PXDNL: variants seen among roughly 807,000 people sequenced by gnomAD.
PXDNL encodes the protein peroxidasin like.
PXDNL carries 145 observed loss-of-function variants against 150.8 expected under a neutral mutation model. The ratio of observed to expected loss-of-function variants is 0.96; its 90% CI spans 0.84 to 1.10. The LOEUF (loss-of-function observed/expected upper bound fraction) is 1.10. PXDNL is among the 50% of genes least tolerant of loss of function. The pLI, the probability that PXDNL is intolerant of heterozygous loss-of-function variation, is 0.00. For missense variants in PXDNL, 2,087 were observed against 1,873.9 expected, an observed-to-expected ratio of 1.11 and a Z score of -2.10; for synonymous variants, 757 against 725.7, an observed-to-expected ratio of 1.04 and a Z score of -0.69.
chr8:51,458,142 T>C (rs1809977002), intron 8 of PXDNL, among the ~76,000 whole-genome samples: 1 of 152,266 alleles, frequency 6.6e-6, no homozygotes, highest in South Asian at 2.1e-4. Context: ...AAGCCAAGTA[T>C]AATTATATGA....
At chr8:51,800,156 C>T (rs16916820) in intron 1 of PXDNL, among the ~76,000 whole-genome samples, 17,273 of 152,070 alleles carry the variant, frequency 0.11, 1,259 homozygotes, top group East Asian at 0.16. Context: ...AATGGAGGGC[C>T]TGCCCCATGT....
intron 8 of PXDNL, among the ~76,000 whole-genome samples, chr8:51,464,554 AG>A (rs1484754673): frequency 6.6e-6 from 1 of 152,214 alleles, no homozygotes; most frequent in Admixed American, 6.5e-5. Context: ...CAATTCCCAC[AG>A]AAATACAAAA....
chr8:51,423,736 G>A lies in PXDNL; in HGVS notation c.1639-5C>T. 3.1e-6 allele frequency: 5 copies of A among 1,600,420 alleles called. No homozygotes were observed. Among genetic ancestry groups the A allele is most frequent in the South Asian group, 1.1e-5 (1 of 88,972 alleles). On this transcript the variant is annotated splice_region_variant and splice_polypyrimidine_tract_variant and intron_variant, in intron 13 of 22. Transcript: ENST00000356297. ...CTCAGTAATCTGCACACCTTCCTAG[G>A]GAGCAAAAAAGAGTTGCCACTGAAT...
At chr8:51,657,265 C>T (rs1392548881) in intron 1 of PXDNL, among the ~76,000 whole-genome samples, 1 of 152,070 alleles carries the variant, frequency 6.6e-6, no homozygotes, top group Non-Finnish European at 1.5e-5. Flanking sequence ...ATAAGTTGCA[C>T]CATTGTAAGT....
chr8:51,457,667 G>C lies in PXDNL; in HGVS notation c.813C>G (p.Asn271Lys). Residue 271 changes from asparagine (N) to lysine (K), a missense_variant and splice_region_variant, in exon 9 of 23, where the codon AAC becomes AAG. Coordinates refer to ENST00000356297, the MANE Select transcript of PXDNL (RefSeq NM_144651.5). ...TATCATCTTCCAAATCCAATGAGTG[G>C]CTGGAAATATAGGTTATACATGTAT... ...PKPEIIWIHNNHSLDLEDDTR... is the reference protein window; with the variant it reads ...PKPEIIWIHNKHSLDLEDDTR... The C allele has an allele frequency of 6.2e-7, 1 of 1,610,344 alleles. No individual in the cohort carries two copies. Among genetic ancestry groups the C allele is most frequent in the Non-Finnish European group, 8.5e-7 (1 of 1,177,536 alleles).
rs1456627173 is a variant in PXDNL at position 51,780,289 on chromosome 8, C to A, written c.164+28892G>T. 3.9e-5 allele frequency among the ~76,000 whole-genome samples: 6 copies of A among 152,110 alleles called. No individual in the cohort carries two copies. In the East Asian group the frequency reaches 1.2e-3, roughly 29 times the overall value. On this transcript the variant is annotated intron_variant, in intron 1 of 22. Coordinates refer to ENST00000356297, the MANE Select transcript of PXDNL (RefSeq NM_144651.5). Reference sequence around the variant, plus strand: ...ACAGGCTGTATAACCCAGTGATTTGCATGCACAATAAAGTTTGAGGGACAC... The same window carrying A: ...ACAGGCTGTATAACCCAGTGATTTGAATGCACAATAAAGTTTGAGGGACAC...
intron 2 of PXDNL, among the ~76,000 whole-genome samples, chr8:51,601,730 C>T (rs1237694328): frequency 6.6e-6 from 1 of 151,520 alleles, no homozygotes; most frequent in Non-Finnish European, 1.5e-5. Context: ...GGTTAATATT[C>T]ATATGTAAGA....
chr8:51,718,002 A>AT lies in PXDNL; in HGVS notation c.165-63243dup, dbSNP rs544386177. 5.4e-4 allele frequency among the ~76,000 whole-genome samples: 81 copies of AT among 149,324 alleles called. 1 individual carries two copies. Among genetic ancestry groups the AT allele is most frequent in the Middle Eastern group, 3.5e-3 (1 of 286 alleles). ...GTTGTCCTTTGAGCAAATGAGCTAGATTTTTTTTTTTAATTACTACAACTT... is the reference window on the plus strand; with the variant it reads ...GTTGTCCTTTGAGCAAATGAGCTAGATTTTTTTTTTTTAATTACTACAACTT... On this transcript the variant is annotated intron_variant, in intron 1 of 22. Transcript: ENST00000356297.
intron 1 of PXDNL, among the ~76,000 whole-genome samples, chr8:51,680,158 C>T (rs1039436858): frequency 1.3e-5 from 2 of 152,226 alleles, no homozygotes; most frequent in Non-Finnish European, 2.9e-5. Context: ...TGACCTAGCA[C>T]TGTGATCTCA....
intron 2 of PXDNL, among the ~76,000 whole-genome samples, chr8:51,624,290 C>A (rs571942504): frequency 5.8e-4 from 88 of 152,150 alleles, no homozygotes; most frequent in African/African-American, 1.9e-3. Flanking sequence ...CAGACCAGGC[C>A]TTGCCAGGAG....
chr8:51,408,372 C>G lies in PXDNL; in HGVS notation c.3252G>C (p.Ala1084=). 1.2e-6 allele frequency: 2 copies of G among 1,614,002 alleles called. No homozygotes were observed. Among genetic ancestry groups the G allele is most frequent in the Admixed American group, 1.7e-5 (1 of 60,026 alleles). Residue 1084 remains alanine, a synonymous_variant, in exon 17 of 23, where the codon GCG becomes GCC. Transcript: ENST00000356297. Reference sequence around the variant, plus strand: ...TGATTATTCTGGACGGTGAAAAGAGCGCTTTATGGAACGGAAGGTGGCCTT... The same window carrying G: ...TGATTATTCTGGACGGTGAAAAGAGGGCTTTATGGAACGGAAGGTGGCCTT... ...ISEGHLPFHK[A]LFSPSRIIKE...
chr8:51,654,799 T>A (rs1188295045), intron 1 of PXDNL, 39 bp from the exon 2 acceptor site: 1 of 1,489,616 alleles, frequency 6.7e-7, no homozygotes, highest in Non-Finnish European at 9.4e-7. Context: ...TATAATATGT[T>A]GACTGCATTC....
At chr8:51,414,696 C>A (rs1235286897) in intron 14 of PXDNL, among the ~76,000 whole-genome samples, 4 of 151,954 alleles carry the variant, frequency 2.6e-5, no homozygotes, top group African/African-American at 9.7e-5. Flanking sequence ...AGAACATGAA[C>A]AAAATAACTA....
intron 1 of PXDNL, among the ~76,000 whole-genome samples, chr8:51,788,136 C>G (rs1290861066): frequency 6.6e-6 from 1 of 152,096 alleles, no homozygotes; most frequent in Non-Finnish European, 1.5e-5. Context: ...CCTGCAAAAC[C>G]AAAAAACAAT....
At chr8:51,771,337 G>A (rs1205431027) in intron 1 of PXDNL, among the ~76,000 whole-genome samples, 1 of 152,092 alleles carries the variant, frequency 6.6e-6, no homozygotes, top group African/African-American at 2.4e-5. Context: ...CATTGAATTA[G>A]AGTTATAAAG....
intron 4 of PXDNL, among the ~76,000 whole-genome samples, chr8:51,531,708 G>C (rs1222831381): frequency 6.6e-6 from 1 of 152,244 alleles, no homozygotes; most frequent in African/African-American, 2.4e-5. Flanking sequence ...CTTAAGTCAA[G>C]TGAAGAAGAT....
chr8:51,744,128 AAG>A (rs774216961), intron 1 of PXDNL, among the ~76,000 whole-genome samples: 154 of 125,100 alleles, frequency 1.2e-3, no homozygotes, highest in East Asian at 2.5e-3. Context: ...GAAAGGAAGA[AAG>A]AGAAAGGAAG....
intron 1 of PXDNL, among the ~76,000 whole-genome samples, chr8:51,750,615 G>A (rs914716666): frequency 6.6e-6 from 1 of 152,174 alleles, no homozygotes; most frequent in Admixed American, 6.5e-5. Flanking sequence ...GTAAACCCAG[G>A]ATAACATTTT....
chr8:51,479,723 T>C (rs765732129), intron 6 of PXDNL, among the ~76,000 whole-genome samples: 1 of 151,716 alleles, frequency 6.6e-6, no homozygotes, highest in Non-Finnish European at 1.5e-5. Context: ...AGTGGAAGGG[T>C]GGGGTGGGAG....
Sources: gnomAD v4.1 joint callset for allele counts (sites outside exome capture counted in the v4.1 genomes callset) on GRCh38, gnomAD v4.1.1 for gene constraint, MANE v1.5 for transcripts, NCBI Gene and HGNC (gene_info 2026-07-23, HGNC 2026-07-21) for gene names.